Variants in SLC22A23 observed in about 807,000 individuals in gnomAD.
SLC22A23 encodes the protein solute carrier family 22 member 23.
Under a neutral mutation model 61.0 loss-of-function variants are expected in SLC22A23, and 26 were observed. The observed-to-expected ratio is 0.43, with a 90% CI of 0.31 to 0.59. The LOEUF (loss-of-function observed/expected upper bound fraction) is 0.59. Ranked by LOEUF, SLC22A23 falls within the 20% of genes least tolerant of loss-of-function variation. SLC22A23 has a pLI of 0.11. For synonymous variants in SLC22A23, 430 were observed against 413.9 expected (o/e 1.04, Z -0.47); for missense variants, 796 against 934.7 (o/e 0.85, Z 1.94).
At chr6:3,406,271 A>G (rs1037566378) in intron 3 of SLC22A23, among the ~76,000 whole-genome samples, 3 of 151,998 alleles carry the variant, frequency 2.0e-5, no homozygotes, top group Admixed American at 1.3e-4. Context: ...AACTTAAAAA[A>G]CCACCATCTC....
intron 3 of SLC22A23, among the ~76,000 whole-genome samples, chr6:3,343,159 C>T (rs751406430): frequency 9.2e-5 from 14 of 152,196 alleles, no homozygotes; most frequent in Admixed American, 9.2e-4. Flanking sequence ...GACAAAGCTG[C>T]GTCCTGCATC....
chr6:3,277,785 T>A (rs571123309), intron 9 of SLC22A23, among the ~76,000 whole-genome samples: 19 of 152,294 alleles, frequency 1.2e-4, no homozygotes, highest in African/African-American at 3.8e-4. Context: ...GTGCCTTGAG[T>A]GTGCGCTGGC....
intron 3 of SLC22A23, among the ~76,000 whole-genome samples, chr6:3,404,094 G>T (rs1021833621): frequency 6.6e-6 from 1 of 152,186 alleles, no homozygotes; most frequent in Non-Finnish European, 1.5e-5. Context: ...TAGTCCGTAA[G>T]GTTTTGACGC....
intron 3 of SLC22A23, among the ~76,000 whole-genome samples, chr6:3,380,614 T>G (rs1766895679): frequency 6.6e-6 from 1 of 151,992 alleles, no homozygotes; most frequent in Non-Finnish European, 1.5e-5. Context: ...CTAACATCCT[T>G]TCATGCTAGT....
At chr6:3,307,614 G>A (rs1390681868) in intron 4 of SLC22A23, among the ~76,000 whole-genome samples, 2 of 152,212 alleles carry the variant, frequency 1.3e-5, no homozygotes, top group Non-Finnish European at 2.9e-5. Flanking sequence ...CAATATGGAC[G>A]TATCTCGGAT....
chr6:3,427,058 A>G lies in SLC22A23; in HGVS notation c.655-11203T>C, dbSNP rs541032077. On this transcript the variant is annotated intron_variant, in intron 1 of 9. Coordinates refer to ENST00000406686, the MANE Select transcript of SLC22A23 (RefSeq NM_015482.2). The surrounding 1 kb of genome is among the most constrained non-coding windows in gnomAD (Gnocchi z 4.3). ...GTGCTGTCAAGCACAGCTGGGATGC[A>G]GGCTAAGAGCTCGGAGTTTGAGCCT... Among the ~76,000 whole-genome samples the G allele has an allele frequency of 2.8e-4, 43 of 152,344 alleles. No homozygotes were observed. Among genetic ancestry groups the G allele is most frequent in the Non-Finnish European group, 4.3e-4 (29 of 68,038 alleles).
chr6:3,392,231 T>G (rs548827104), intron 3 of SLC22A23, among the ~76,000 whole-genome samples: 3 of 151,984 alleles, frequency 2.0e-5, no homozygotes, highest in Admixed American at 6.5e-5. Context: ...GGGGAAGGAG[T>G]GTTCCTTCTT....
intron 1 of SLC22A23, among the ~76,000 whole-genome samples, chr6:3,447,299 A>C (rs1771942381): frequency 6.6e-6 from 1 of 152,004 alleles, no homozygotes; most frequent in African/African-American, 2.4e-5. Flanking sequence ...CTCAGCTCTC[A>C]TCTCAGATGT....
chr6:3,317,733 G>A lies in SLC22A23; in HGVS notation c.1082+6101C>T, dbSNP rs893395823. On this transcript the variant is annotated intron_variant, in intron 4 of 9. Transcript: ENST00000406686. This position sits in a 1 kb window ranked among gnomAD's most constrained non-coding sequence, Gnocchi z 4.4. ...AGCGCTTTGACGGCGTCTACTTTCA[G>A]GTGAAAAACACTCACAAGGGCTCTT... Among the ~76,000 whole-genome samples, 7 of 152,062 alleles carry A rather than the reference G, an allele frequency of 4.6e-5. No homozygotes were observed. Among genetic ancestry groups the A allele is most frequent in the Non-Finnish European group, 1.5e-5 (1 of 68,024 alleles).
intron 4 of SLC22A23, chr6:3,311,940 A>T (rs1034293016): frequency 6.6e-6 from 1 of 152,166 alleles, no homozygotes; most frequent in African/African-American, 2.4e-5. Flanking sequence ...CGGGTTGTGG[A>T]ACGGCACCAA....
intron 4 of SLC22A23, among the ~76,000 whole-genome samples, chr6:3,320,274 G>A (rs1228197649): frequency 6.6e-6 from 1 of 152,128 alleles, no homozygotes; most frequent in Non-Finnish European, 1.5e-5. Context: ...GCATTTATAT[G>A]TGTGTATGGA....
Position 3,304,194 on chromosome 6 carries a change from G to C in SLC22A23, c.1083-5976C>G, listed in dbSNP as rs1761811680. On this transcript the variant is annotated intron_variant, in intron 4 of 9. Coordinates refer to ENST00000406686, the MANE Select transcript of SLC22A23 (RefSeq NM_015482.2). This position sits in a 1 kb window ranked among gnomAD's most constrained non-coding sequence, Gnocchi z 4.3. ...GCACAGACCAGAGCCTGAGGCAGGA[G>C]GGTGTGTGTGCAGCCCAGTGGTGCA... 6.6e-6 allele frequency among the ~76,000 whole-genome samples: 1 copy of C among 152,218 alleles called. No individual in the cohort carries two copies.
chr6:3,295,818 G>A (rs570196350), intron 5 of SLC22A23, among the ~76,000 whole-genome samples: 4 of 152,144 alleles, frequency 2.6e-5, no homozygotes, highest in South Asian at 4.1e-4. Flanking sequence ...GAAGGGCTGC[G>A]GGGCAGAGCC....
At chr6:3,296,808 G>T (rs899528362) in intron 5 of SLC22A23, among the ~76,000 whole-genome samples, 1 of 152,120 alleles carries the variant, frequency 6.6e-6, no homozygotes, top group Non-Finnish European at 1.5e-5. Flanking sequence ...GCTGAGCTAC[G>T]GCAGCACCAA....
rs1056661269 is a variant in SLC22A23, at chr6:3,286,771, A to C, written c.1546+88T>G. 3.6e-6 allele frequency: 4 copies of C among 1,116,510 alleles called. No homozygotes were observed. In the African/African-American group the frequency reaches 4.6e-5, roughly 13 times the overall value. The allele number at this position is 1,116,510 out of a possible 1,614,324, so 69.2% of individuals were successfully genotyped here. A position where few individuals can be genotyped will look rare whatever the true frequency, so the allele number is the denominator to read the frequency against. On this transcript the variant is annotated intron_variant, in intron 7 of 9. Transcript: ENST00000406686. The surrounding 1 kb of genome is among the most constrained non-coding windows in gnomAD (Gnocchi z 4.2). ...TCCAGCAGTAGATTTTAGAGTGGCC[A>C]GCGGAGTCTTATGCAGCCCTTTCAA...
At chr6:3,284,076 A>G in intron 8 of SLC22A23, 101 bp from the exon 9 acceptor site, 1 of 1,262,474 alleles carries the variant, frequency 7.9e-7, no homozygotes, top group Non-Finnish European at 1.1e-6. Context: ...CCCAGTGTCC[A>G]GCTTGCGGCA....
intron 3 of SLC22A23, among the ~76,000 whole-genome samples, chr6:3,348,971 T>C (rs953937977): frequency 6.6e-6 from 1 of 152,196 alleles, no homozygotes; most frequent in Admixed American, 6.5e-5. Flanking sequence ...CTGGAAATAG[T>C]CATCTTTCAT....
chr6:3,439,330 C>T (rs1447623006), intron 1 of SLC22A23: 1 of 450,020 alleles, frequency 2.2e-6, no homozygotes, highest in Non-Finnish European at 4.4e-6. Flanking sequence ...TTCTTTTAAA[C>T]GATGGATGCT....
chr6:3,274,432 T>C lies in SLC22A23; in HGVS notation c.1704-1020A>G, dbSNP rs112586130. Among the ~76,000 whole-genome samples, 638 of 152,282 alleles carry C rather than the reference T, an allele frequency of 4.2e-3. 3 individuals carry two copies. Among genetic ancestry groups the C allele is most frequent in the African/African-American group, 0.015 (608 of 41,548 alleles). On this transcript the variant is annotated intron_variant, in intron 9 of 9. Transcript: ENST00000406686. The stretch of plus-strand genomic sequence containing the variant: ...GTGTGCCTCGCTCCACAGCAGCAGG[T>C]AGACTGGTCCTTTGGTTTGGGGAAG...
Sources: gnomAD v4.1 joint callset for allele counts (sites outside exome capture counted in the v4.1 genomes callset) on GRCh38, gnomAD v4.1.1 for gene constraint, Gnocchi (gnomAD v3.1) non-coding constraint, MANE v1.5 for transcripts, NCBI Gene and HGNC (gene_info 2026-07-23, HGNC 2026-07-21) for gene names.